Variants in TUSC3 observed in about 807,000 individuals in gnomAD.
TUSC3 encodes dolichyl-diphosphooligosaccharide--protein glycosyltransferase subunit TUSC3.
TUSC3 carries 45 observed loss-of-function variants against 44.8 expected under a neutral mutation model. The ratio of observed to expected loss-of-function variants is 1.00; its 90% CI spans 0.79 to 1.29. The LOEUF (loss-of-function observed/expected upper bound fraction) is 1.29, where lower values mean the gene tolerates loss of function less well. Ranked by LOEUF, TUSC3 falls within the 50% of genes most tolerant of loss-of-function variation. The pLI is 0.00. For synonymous variants in TUSC3, 212 were observed against 152.9 expected (o/e 1.39, Z -2.85); for missense variants, 519 against 437.9 (o/e 1.19, Z -1.65).
chr8:15,436,809 C>G (rs1375534121), intron 1 of TUSC3, among the ~76,000 whole-genome samples: 1 of 152,150 alleles, frequency 6.6e-6, no homozygotes, highest in Non-Finnish European at 1.5e-5. Flanking sequence ...ATTAAAAATA[C>G]AGAGGTTAAC....
intron 1 of TUSC3, among the ~76,000 whole-genome samples, chr8:15,475,049 A>G (rs1800557278): frequency 6.6e-6 from 1 of 152,136 alleles, no homozygotes; most frequent in African/African-American, 2.4e-5. Context: ...GCTATAATTC[A>G]ACTACAATAT....
At chr8:15,772,862 A>T in the TUSC3 span, among the ~76,000 whole-genome samples, 1 of 151,232 alleles carries the variant, frequency 6.6e-6, no homozygotes, top group Non-Finnish European at 1.5e-5. Context: ...AAAGAAAATC[A>T]GTGTAACACA....
chr8:15,652,236 A>T (rs1806945298), intron 3 of TUSC3, among the ~76,000 whole-genome samples: 1 of 152,236 alleles, frequency 6.6e-6, no homozygotes, highest in South Asian at 2.1e-4. Flanking sequence ...AATGCTTACC[A>T]GGTCATGGAA....
chr8:15,494,081 C>T (rs553980405), intron 2 of TUSC3, among the ~76,000 whole-genome samples: 6 of 152,206 alleles, frequency 3.9e-5, no homozygotes, highest in Non-Finnish European at 7.3e-5. Flanking sequence ...CCATACCAGC[C>T]TGCTGCTATA....
chr8:15,779,427 T>G, the TUSC3 span, among the ~76,000 whole-genome samples: 1 of 151,910 alleles, frequency 6.6e-6, no homozygotes, highest in South Asian at 2.1e-4. Flanking sequence ...ACCATGTGAT[T>G]AATCAAACAT....
the TUSC3 span, among the ~76,000 whole-genome samples, chr8:15,774,108 TAGAG>T: frequency 5.3e-3 from 802 of 152,178 alleles, 10 homozygotes; most frequent in Middle Eastern, 0.014. Flanking sequence ...CCCATGGTAA[TAGAG>T]AGAATATTTG....
intron 3 of TUSC3, among the ~76,000 whole-genome samples, chr8:15,651,340 A>C (rs1015507770): frequency 6.6e-6 from 1 of 152,224 alleles, no homozygotes; most frequent in Admixed American, 6.5e-5. Flanking sequence ...CCAATGTGGC[A>C]GATAGTATTT....
At chr8:15,648,304 G>A (rs1437126073) in intron 2 of TUSC3, among the ~76,000 whole-genome samples, 1 of 151,914 alleles carries the variant, frequency 6.6e-6, no homozygotes, top group Non-Finnish European at 1.5e-5. Flanking sequence ...TATTGTTTTT[G>A]TTTTTTCCTT....
the TUSC3 span, among the ~76,000 whole-genome samples, chr8:15,811,454 C>T: frequency 6.6e-6 from 1 of 152,160 alleles, no homozygotes; most frequent in African/African-American, 2.4e-5. Flanking sequence ...GTAGTTGCCA[C>T]CTTTTCTGCC....
intron 1 of TUSC3, among the ~76,000 whole-genome samples, chr8:15,583,515 T>C (rs1172214513): frequency 1.3e-5 from 2 of 152,210 alleles, no homozygotes; most frequent in African/African-American, 2.4e-5. Flanking sequence ...ATGTGTTCTA[T>C]GGTTAAGGCT....
intron 1 of TUSC3, among the ~76,000 whole-genome samples, chr8:15,469,722 A>G (rs1476308426): frequency 6.6e-6 from 1 of 152,244 alleles, no homozygotes; most frequent in Non-Finnish European, 1.5e-5. Context: ...TGTATTCACA[A>G]TTTCCAATAC....
intron 2 of TUSC3, among the ~76,000 whole-genome samples, chr8:15,634,090 A>G (rs1308247771): frequency 1.3e-5 from 2 of 152,208 alleles, no homozygotes; most frequent in African/African-American, 4.8e-5. Context: ...CATTCCTGGT[A>G]TAGTTCATCA....
chr8:15,424,665 G>C (rs189849646), intron 1 of TUSC3, among the ~76,000 whole-genome samples: 26 of 152,236 alleles, frequency 1.7e-4, no homozygotes, highest in Non-Finnish European at 2.5e-4. Context: ...TGGATCACGA[G>C]GTCAGGAGAT....
intron 2 of TUSC3, among the ~76,000 whole-genome samples, chr8:15,487,720 T>C (rs1174873831): frequency 6.6e-6 from 1 of 152,232 alleles, no homozygotes; most frequent in Non-Finnish European, 1.5e-5. Context: ...CTAAAGTATT[T>C]ATTTGCAAAC....
intron 6 of TUSC3, among the ~76,000 whole-genome samples, chr8:15,717,663 T>C (rs975542762): frequency 3.9e-5 from 6 of 152,134 alleles, no homozygotes; most frequent in African/African-American, 1.4e-4. Context: ...CCTACTGTAA[T>C]TTCAACTTTT....
intron 2 of TUSC3, among the ~76,000 whole-genome samples, chr8:15,487,511 A>AT (rs1800748799): frequency 1.3e-5 from 2 of 152,330 alleles, no homozygotes; most frequent in African/African-American, 4.8e-5. Context: ...ATCCATTTGT[A>AT]TTATTATAAG....
intron 2 of TUSC3, among the ~76,000 whole-genome samples, chr8:15,496,242 C>A (rs997295443): frequency 6.6e-6 from 1 of 152,186 alleles, no homozygotes; most frequent in Non-Finnish European, 1.5e-5. Context: ...TCCATTCCAG[C>A]ATATTCATTT....
intron 6 of TUSC3, among the ~76,000 whole-genome samples, chr8:15,704,525 A>T (rs926778775): frequency 6.6e-6 from 1 of 152,154 alleles, no homozygotes; most frequent in Non-Finnish European, 1.5e-5. Flanking sequence ...TTTGAGAAAG[A>T]TAGCTACATA....
intron 1 of TUSC3, among the ~76,000 whole-genome samples, chr8:15,457,667 T>C (rs1339083962): frequency 2.0e-5 from 3 of 149,882 alleles, no homozygotes; most frequent in African/African-American, 7.3e-5. Context: ...AAAATTAATA[T>C]ATAAACAGCA....
Sources: allele counts gnomAD v4.1 joint callset (sites outside exome capture counted in the v4.1 genomes callset), GRCh38; gene constraint gnomAD v4.1.1; transcripts MANE v1.5; gene names NCBI Gene and HGNC (gene_info 2026-07-23, HGNC 2026-07-21).